Variants in ATP6V0E1 observed in about 807,000 individuals in gnomAD.
The protein encoded by ATP6V0E1 is ATPase H+ transporting V0 subunit e1, also known as V-type proton ATPase subunit e 1.
A neutral mutation model predicts 11.6 loss-of-function variants in ATP6V0E1; 4 were observed. The ratio of observed to expected loss-of-function variants is 0.35; its 90% CI spans 0.17 to 0.79. The LOEUF (loss-of-function observed/expected upper bound fraction) is 0.79. ATP6V0E1 is among the 30% of genes least tolerant of loss of function. ATP6V0E1 has a pLI of 0.54. For missense variants in ATP6V0E1, 105 were observed against 100.0 expected (o/e 1.05, Z -0.21); for synonymous variants, 36 against 34.8 (o/e 1.04, Z -0.13).
chr5:172,997,907 G>A (rs891451379), intron 2 of ATP6V0E1, among the ~76,000 whole-genome samples: 1 of 151,686 alleles, frequency 6.6e-6, no homozygotes, highest in Non-Finnish European at 1.5e-5. Flanking sequence ...ACTTGAGCCC[G>A]GGAGTTCAAG....
At chr5:173,008,695 G>A (rs1732474953) in intron 2 of ATP6V0E1, among the ~76,000 whole-genome samples, 2 of 148,510 alleles carry the variant, frequency 1.3e-5, no homozygotes, top group Admixed American at 1.3e-4. Context: ...GGATCACGAG[G>A]TCAGGAGATC....
chr5:173,024,219 AAG>A (rs1286674131), intron 3 of ATP6V0E1, among the ~76,000 whole-genome samples: 1 of 151,752 alleles, frequency 6.6e-6, no homozygotes, highest in Non-Finnish European at 1.5e-5. Flanking sequence ...AAAAAAAAGA[AAG>A]AAATACAGAT....
chr5:173,033,126 G>T (rs1756690617), intron 3 of ATP6V0E1, among the ~76,000 whole-genome samples: 1 of 152,170 alleles, frequency 6.6e-6, no homozygotes, highest in African/African-American at 2.4e-5. Context: ...TAGAGACAGG[G>T]TCAGGCTCTG....
chr5:172,992,024 T>G (rs529319845), intron 1 of ATP6V0E1, among the ~76,000 whole-genome samples: 2 of 147,038 alleles, frequency 1.4e-5, no homozygotes, highest in Non-Finnish European at 3.0e-5. Context: ...CTTTCTGTCT[T>G]TCTTTCTCTC....
At position 172,997,636 on chromosome 5, in the gene ATP6V0E1, C is replaced by T. The variant is rs554551561; in HGVS notation, c.152+2814C>T. Among the ~76,000 whole-genome samples the T allele has an allele frequency of 4.6e-3, 692 of 151,378 alleles. 1 individual carries two copies. Among genetic ancestry groups the T allele is most frequent in the South Asian group, 0.021 (98 of 4,776 alleles). ...CATCCTGGCTAACACAGTGAAACCC[C>T]GTCTCTACTAAAAATACAAAAAAAA... On this transcript the variant is annotated intron_variant, in intron 2 of 3. Coordinates refer to ENST00000519374, the MANE Select transcript of ATP6V0E1 (RefSeq NM_003945.4).
At chr5:173,001,187 G>A (rs534603381) in intron 2 of ATP6V0E1, among the ~76,000 whole-genome samples, 5 of 152,070 alleles carry the variant, frequency 3.3e-5, no homozygotes, top group East Asian at 3.9e-4. Context: ...AGAATTAGCC[G>A]GGCGTAATGG....
intron 1 of ATP6V0E1, among the ~76,000 whole-genome samples, chr5:172,987,476 G>T (rs953402298): frequency 6.6e-6 from 1 of 151,806 alleles, no homozygotes; most frequent in East Asian, 1.9e-4. Context: ...TAGAGAAGGG[G>T]TTTCACCATG....
chr5:173,013,124 A>G (rs1428335295), intron 2 of ATP6V0E1, among the ~76,000 whole-genome samples: 2 of 152,132 alleles, frequency 1.3e-5, no homozygotes, highest in African/African-American at 4.8e-5. Context: ...CAAGGCTGCA[A>G]TGAGCTGTGA....
chr5:172,992,654 T>C (rs985171838), intron 1 of ATP6V0E1, among the ~76,000 whole-genome samples: 1 of 152,164 alleles, frequency 6.6e-6, no homozygotes, highest in Non-Finnish European at 1.5e-5. Context: ...CCGTCTCCCT[T>C]TCCTGTCTTA....
intron 1 of ATP6V0E1, among the ~76,000 whole-genome samples, chr5:172,992,496 A>G (rs1010957516): frequency 6.6e-6 from 1 of 151,642 alleles, no homozygotes; most frequent in African/African-American, 2.4e-5. Flanking sequence ...AACTCCAGGT[A>G]CCCTCTCACC....
intron 1 of ATP6V0E1, among the ~76,000 whole-genome samples, chr5:172,987,781 A>G (rs1025584429): frequency 2.6e-5 from 4 of 151,752 alleles, no homozygotes; most frequent in East Asian, 1.9e-4. Context: ...TGGCTCCATC[A>G]TAGCTCACTG....
At chr5:173,028,017 T>C (rs968169177) in intron 3 of ATP6V0E1, among the ~76,000 whole-genome samples, 2 of 152,202 alleles carry the variant, frequency 1.3e-5, no homozygotes, top group Non-Finnish European at 2.9e-5. Context: ...GCTTATTCTT[T>C]TCACTCTTAT....
rs558163449 is a variant in ATP6V0E1 at position 173,035,414 on chromosome 5, A to C, written c.*1052A>C. On this transcript the variant is annotated 3_prime_UTR_variant, in exon 4 of 4. Transcript: ENST00000519374. Reference sequence around the variant, plus strand: ...ATTTGAGAGCTTTATTACTTTTAAGAAATTAAAAATTAAAATGAACCTAAA... The same window carrying C: ...ATTTGAGAGCTTTATTACTTTTAAGCAATTAAAAATTAAAATGAACCTAAA... The C allele has an allele frequency of 6.6e-6, 1 of 152,336 alleles. No homozygotes were observed. Among genetic ancestry groups the C allele is most frequent in the South Asian group, 2.1e-4 (1 of 4,832 alleles). The allele number at this position is 152,336 out of a possible 1,614,324, so 9.4% of individuals were successfully genotyped here.
intron 1 of ATP6V0E1, among the ~76,000 whole-genome samples, chr5:172,989,171 C>G (rs1231982324): frequency 6.6e-6 from 1 of 152,134 alleles, no homozygotes; most frequent in South Asian, 2.1e-4. Context: ...CTGGTCTCTA[C>G]AAAAACAATT....
At chr5:172,989,507 CTTTA>C (rs1484176103) in intron 1 of ATP6V0E1, among the ~76,000 whole-genome samples, 1 of 151,898 alleles carries the variant, frequency 6.6e-6, no homozygotes, top group Non-Finnish European at 1.5e-5. Flanking sequence ...CACAGGGTTC[CTTTA>C]TTTATCTCCT....
In ATP6V0E1 at chr5:173,021,859, A is replaced by AC. The variant is rs1281562951; in HGVS notation, c.*36+1495dup. ...GTCACGAGATCGAGACCACGGTGAA[A>AC]CCCATCTCTACTAAAAATACAAAAA... On this transcript the variant is annotated intron_variant, in intron 3 of 3. Transcript: ENST00000519374. Among the ~76,000 whole-genome samples, 3 of 152,174 alleles carry AC rather than the reference A, an allele frequency of 2.0e-5. No homozygotes were observed. In the East Asian group the frequency reaches 5.8e-4, roughly 29 times the overall value.
At chr5:173,019,982 G>A (rs1031256430) in intron 2 of ATP6V0E1, among the ~76,000 whole-genome samples, 1 of 152,178 alleles carries the variant, frequency 6.6e-6, no homozygotes, top group Non-Finnish European at 1.5e-5. Context: ...AGATAATCAG[G>A]TAATGAGAGA....
intron 2 of ATP6V0E1, among the ~76,000 whole-genome samples, chr5:173,000,739 C>T (rs952295213): frequency 2.7e-5 from 4 of 146,760 alleles, no homozygotes; most frequent in South Asian, 2.1e-4. Flanking sequence ...CTCACTCTGT[C>T]GACCAGGCTG....
intron 1 of ATP6V0E1, among the ~76,000 whole-genome samples, chr5:172,989,942 CCTT>C (rs1316618640): frequency 6.6e-6 from 1 of 152,150 alleles, no homozygotes; most frequent in African/African-American, 2.4e-5. Flanking sequence ...CTCACACAAT[CCTT>C]CTGCTTCAGC....
Sources: allele counts gnomAD v4.1 joint callset (sites outside exome capture counted in the v4.1 genomes callset), GRCh38; gene constraint gnomAD v4.1.1; transcripts MANE v1.5; gene names NCBI Gene and HGNC (gene_info 2026-07-23, HGNC 2026-07-21).